Variants in LRP8 observed in about 807,000 individuals in gnomAD.
LRP8 encodes the protein LDL receptor related protein 8.
LRP8 carries 46 observed loss-of-function variants against 111.6 expected under a neutral mutation model. That is an observed-to-expected ratio of 0.41 (90% CI 0.33 to 0.53). LRP8 has a LOEUF of 0.53. Among genes scored for constraint, LRP8 ranks in the 20% least tolerant of loss-of-function variants. The probability of loss-of-function intolerance (pLI) is 0.20; values close to 1 mark genes in which losing one functional copy is unlikely to be tolerated. For synonymous variants in LRP8, 464 were observed against 511.2 expected, an observed-to-expected ratio of 0.91 and a Z score of 1.24; for missense variants, 959 against 1,297.4, an observed-to-expected ratio of 0.74 and a Z score of 4.01.
At chr1:53,316,406 G>A (rs563018936) in intron 2 of LRP8, among the ~76,000 whole-genome samples, 72 of 152,334 alleles carry the variant, frequency 4.7e-4, no homozygotes, top group African/African-American at 1.6e-3. Flanking sequence ...AATCAGCCCC[G>A]TCAGAGCTCA....
At chr1:53,260,926 G>C (rs1024677352) in intron 12 of LRP8, among the ~76,000 whole-genome samples, 4 of 152,118 alleles carry the variant, frequency 2.6e-5, no homozygotes, top group African/African-American at 9.7e-5. Context: ...TCATTACTGG[G>C]GCCTGGGACC....
At chr1:53,273,106 C>T (rs1646811442) in intron 6 of LRP8, among the ~76,000 whole-genome samples, 1 of 152,206 alleles carries the variant, frequency 6.6e-6, no homozygotes, top group Non-Finnish European at 1.5e-5. Context: ...TCCCTGTAAC[C>T]TTTCCCCAAA....
In LRP8 at chr1:53,284,196, TACTTACCTACTACATACCCGGGCC is replaced by T. The variant is rs1425888739; in HGVS notation, c.368-3505_368-3482del. Among the ~76,000 whole-genome samples the T allele has an allele frequency of 6.6e-3, 224 of 33,844 alleles. 5 individuals carry two copies. In the East Asian group the frequency reaches 0.12, roughly 17 times the overall value. 22.2% of individuals were successfully genotyped at this position (33,844 alleles called of 152,430 possible). ...TTACCTACTACATACCCGGGCCGCT[TACTTACCTACTACATACCCGGGCC>T]ACTTACCTACTACATACCCGGGCCA... On this transcript the variant is annotated intron_variant, in intron 3 of 18. Transcript: ENST00000306052.
chr1:53,317,661 G>C lies in LRP8; in HGVS notation c.244+9212C>G, dbSNP rs559625753. Among the ~76,000 whole-genome samples, 1 of 152,178 alleles carries C rather than the reference G, an allele frequency of 6.6e-6. No individual in the cohort carries two copies. The highest frequency in any genetic ancestry group is 2.4e-5 in the African/African-American group (1 of 41,442). Reference sequence around the variant, plus strand: ...ACAGGCTCAGGAAGGGAAGGGAAACGCTCATTTTCAGGGCCAGGCTCTGGG... The same window carrying C: ...ACAGGCTCAGGAAGGGAAGGGAAACCCTCATTTTCAGGGCCAGGCTCTGGG... On this transcript the variant is annotated intron_variant, in intron 2 of 18. Transcript: ENST00000306052. The surrounding 1 kb of genome is among the most constrained non-coding windows in gnomAD (Gnocchi z 4.9).
chr1:53,286,049 TAAAGAATG>T (rs1384994217), intron 3 of LRP8, among the ~76,000 whole-genome samples: 1 of 152,184 alleles, frequency 6.6e-6, no homozygotes, highest in African/African-American at 2.4e-5. Flanking sequence ...CAATGTCTGT[TAAAGAATG>T]AAAGTACTTG....
intron 2 of LRP8, among the ~76,000 whole-genome samples, chr1:53,301,094 G>C (rs1200268458): frequency 6.6e-6 from 1 of 152,152 alleles, no homozygotes; most frequent in Non-Finnish European, 1.5e-5. Context: ...CAGGTGTGCT[G>C]CTGGGTGATG....
intron 2 of LRP8, among the ~76,000 whole-genome samples, chr1:53,326,585 G>A (rs1028339631): frequency 1.6e-4 from 24 of 151,554 alleles, no homozygotes; most frequent in Admixed American, 6.5e-4. Context: ...CCCGCCCACA[G>A]CTCCGGTTCA....
chr1:53,275,778 G>C lies in LRP8; in HGVS notation c.884-25C>G, dbSNP rs1224906496. On this transcript the variant is annotated intron_variant, in intron 5 of 18. Coordinates refer to ENST00000306052, the MANE Select transcript of LRP8 (RefSeq NM_004631.5). The surrounding 1 kb of genome is among the most constrained non-coding windows in gnomAD (Gnocchi z 4.4). Reference sequence around the variant, plus strand: ...GCTGCCAGGAGAGGGCAAGGGGAGAGGATCAGAGTCAGTGTGGTGCTAGGA... The same window carrying C: ...GCTGCCAGGAGAGGGCAAGGGGAGACGATCAGAGTCAGTGTGGTGCTAGGA... 6.2e-7 allele frequency: 1 copy of C among 1,612,854 alleles called. No individual in the cohort carries two copies.
intron 5 of LRP8, among the ~76,000 whole-genome samples, chr1:53,276,363 G>T (rs1032441610): frequency 6.6e-6 from 1 of 151,416 alleles, no homozygotes; most frequent in African/African-American, 2.4e-5. Flanking sequence ...CAGGCCTAGC[G>T]GGTAAAGAGA....
chr1:53,262,706 C>A lies in LRP8; in HGVS notation c.1656-142G>T. 1.4e-6 allele frequency: 1 copy of A among 696,124 alleles called. No homozygotes were observed. The highest frequency in any genetic ancestry group is 2.5e-6 in the Non-Finnish European group (1 of 392,290). 43.1% of individuals were successfully genotyped at this position (696,124 alleles called of 1,614,324 possible). A position where few individuals can be genotyped will look rare whatever the true frequency, so the allele number is the denominator to read the frequency against. ...GAAGACCTCTAAAGTTCTTTTGAAC[C>A]ATCAAATCTTAGATTTAGCAGGCAC... is the stretch of plus-strand genomic sequence containing the variant. On this transcript the variant is annotated intron_variant, in intron 10 of 18. Transcript: ENST00000306052. The surrounding 1 kb of genome is among the most constrained non-coding windows in gnomAD (Gnocchi z 4.8).
At chr1:53,254,902 G>A (rs72895329) in intron 16 of LRP8, among the ~76,000 whole-genome samples, 21,624 of 151,986 alleles carry the variant, frequency 0.14, 1,645 homozygotes, top group Middle Eastern at 0.2. Flanking sequence ...GGGGAGATGG[G>A]GGATGTACCT....
intron 3 of LRP8, among the ~76,000 whole-genome samples, chr1:53,283,037 G>A (rs990289988): frequency 3.3e-5 from 5 of 152,068 alleles, no homozygotes; most frequent in African/African-American, 4.8e-5. Flanking sequence ...ATTTCATTCT[G>A]CCATGGTCTG....
intron 3 of LRP8, among the ~76,000 whole-genome samples, chr1:53,281,727 C>T (rs1369521295): frequency 6.6e-6 from 1 of 152,136 alleles, no homozygotes; most frequent in Non-Finnish European, 1.5e-5. Context: ...ATCTCTGTGC[C>T]AATAAAGTGG....
intron 2 of LRP8, among the ~76,000 whole-genome samples, chr1:53,301,391 C>A (rs1397676154): frequency 6.6e-6 from 1 of 152,116 alleles, no homozygotes; most frequent in Non-Finnish European, 1.5e-5. Context: ...GCAGAAGCCA[C>A]CACCCACTTT....
At position 53,280,667 on chromosome 1, in the gene LRP8, T is replaced by G; in HGVS notation, c.416A>C (p.His139Pro). 9 of 1,613,420 alleles carry G rather than the reference T, an allele frequency of 5.6e-6. No homozygotes were observed. Among genetic ancestry groups the G allele is most frequent in the Non-Finnish European group, 6.8e-6 (8 of 1,180,028 alleles). The change falls in exon 4 of 19, where the codon CAC (histidine) becomes CCC (proline). Residue 139 changes from histidine to proline, a missense_variant. Transcript: ENST00000306052. The stretch of plus-strand genomic sequence containing the variant: ...GCGCCACGAGGCAGGTACACACTTG[T>G]GGCTGGTGGGTCCACAGCTCAGCTT... ...AEKLSCGPTSHKCVPASWRCD... is the reference protein window; with the variant it reads ...AEKLSCGPTSPKCVPASWRCD...
At chr1:53,312,709 A>C (rs12092929) in intron 2 of LRP8, among the ~76,000 whole-genome samples, 2,549 of 151,998 alleles carry the variant, frequency 0.017, 77 homozygotes, top group African/African-American at 0.058. Context: ...CAGATTCCAC[A>C]AGGGATGGGG....
chr1:53,282,229 C>T (rs1488369648), intron 3 of LRP8, among the ~76,000 whole-genome samples: 1 of 152,166 alleles, frequency 6.6e-6, no homozygotes, highest in Admixed American at 6.5e-5. Flanking sequence ...GCATCTTAGG[C>T]CCCTGAAAGT....
rs1293995229 is a variant in LRP8 at position 53,243,367 on chromosome 1, T to TA, written c.*3650dup. 2 of 152,328 alleles carry TA rather than the reference T, an allele frequency of 1.3e-5. No individual in the cohort carries two copies. The highest frequency in any genetic ancestry group is 3.9e-4 in the East Asian group (2 of 5,186). The allele number at this position is 152,328 out of a possible 1,614,324, so 9.4% of individuals were successfully genotyped here. A position where few individuals can be genotyped will look rare whatever the true frequency, so the allele number is the denominator to read the frequency against. On this transcript the variant is annotated 3_prime_UTR_variant, in exon 19 of 19. Transcript: ENST00000306052. ...ATCTGTGAAAATCCCACTGCCCTTA[T>TA]ATTAGTCTTCATTGACCATATAAAA...
chr1:53,283,170 C>CTCTT (rs1023663972), intron 3 of LRP8, among the ~76,000 whole-genome samples: 10 of 152,210 alleles, frequency 6.6e-5, no homozygotes, highest in African/African-American at 2.2e-4. Flanking sequence ...GAGATCAGTA[C>CTCTT]TCTTACAAAA....
Sources: gnomAD v4.1 joint callset for allele counts (sites outside exome capture counted in the v4.1 genomes callset) on GRCh38, gnomAD v4.1.1 for gene constraint, Gnocchi (gnomAD v3.1) non-coding constraint, MANE v1.5 for transcripts, NCBI Gene and HGNC (gene_info 2026-07-23, HGNC 2026-07-21) for gene names.